ABCB11: variants seen among roughly 807,000 people sequenced by gnomAD.
ABCB11 encodes ATP binding cassette subfamily B member 11, also known as bile salt export pump.
A neutral mutation model predicts 148.0 loss-of-function variants in ABCB11; 95 were observed. That is an observed-to-expected ratio of 0.64 (90% CI 0.54 to 0.76). ABCB11 has a LOEUF of 0.76. ABCB11 is among the 30% of genes least tolerant of loss of function. The probability of loss-of-function intolerance (pLI) is 0.00; values close to 1 mark genes in which losing one functional copy is unlikely to be tolerated. For synonymous variants in ABCB11, 591 were observed against 555.4 expected (o/e 1.06, Z -0.90); for missense variants, 1,523 against 1,617.8 (o/e 0.94, Z 1.01).
At chr2:168,930,402 C>T (rs922323276) in intron 25 of ABCB11, among the ~76,000 whole-genome samples, 2 of 152,222 alleles carry the variant, frequency 1.3e-5, no homozygotes, top group Admixed American at 1.3e-4. Context: ...TAAATACACT[C>T]ATCTCCAGCT....
chr2:168,917,193 GT>G (rs1386097596), downstream of ABCB11, among the ~76,000 whole-genome samples: 1 of 88,580 alleles, frequency 1.1e-5, no homozygotes, highest in African/African-American at 5.4e-5. Context: ...ATAAAAAAGA[GT>G]TTTTGGACAA....
At chr2:168,992,739 G>A (rs1694576688) in intron 8 of ABCB11, among the ~76,000 whole-genome samples, 1 of 152,040 alleles carries the variant, frequency 6.6e-6, no homozygotes, top group African/African-American at 2.4e-5. Context: ...GCCAAGTGGT[G>A]ACCTAATGAA....
At chr2:168,919,375 G>C (rs1436102480), downstream of ABCB11, among the ~76,000 whole-genome samples, 1 of 152,096 alleles carries the variant, frequency 6.6e-6, no homozygotes, top group Non-Finnish European at 1.5e-5. Context: ...AACTCTAGCA[G>C]GGGGTTCTGT....
At chr2:168,947,175 C>T (rs976197145) in intron 19 of ABCB11, among the ~76,000 whole-genome samples, 5 of 151,594 alleles carry the variant, frequency 3.3e-5, no homozygotes, top group African/African-American at 1.2e-4. Context: ...GTAGATTAAC[C>T]TGCTGTAACT....
At chr2:168,969,221 T>G in intron 16 of ABCB11, 129 bp downstream of exon 16, 1 of 826,906 alleles carries the variant, frequency 1.2e-6, no homozygotes, top group Non-Finnish European at 1.9e-6. Context: ...GTTGTTTCCT[T>G]TACCATCTAT....
At chr2:168,968,995 T>C (rs116741971) in intron 16 of ABCB11, among the ~76,000 whole-genome samples, 2,112 of 151,920 alleles carry the variant, frequency 0.014, 23 homozygotes, top group Non-Finnish European at 0.017. Flanking sequence ...GAAGTATCTA[T>C]CTACATTTGA....
downstream of ABCB11, among the ~76,000 whole-genome samples, chr2:168,918,990 T>A (rs754050878): frequency 5.9e-5 from 9 of 152,180 alleles, no homozygotes; most frequent in Non-Finnish European, 1.3e-4. Context: ...CTTTCAGTAT[T>A]CACCTTCATC....
rs77852128 is a variant in ABCB11 at position 168,967,225 on chromosome 2, T to C, written c.2075+1202A>G. ...GACTAAACTTACTACCAGGTGCCTA[T>C]AACATTGTTTTATACCTTTTACATG... On this transcript the variant is annotated intron_variant, in intron 17 of 27. Transcript: ENST00000650372. Among the ~76,000 whole-genome samples the C allele has an allele frequency of 2.7e-4, 41 of 152,040 alleles. No individual in the cohort carries two copies. The East Asian group carries it at 7.6e-3, about 28-fold the overall frequency.
intron 19 of ABCB11, among the ~76,000 whole-genome samples, chr2:168,949,313 T>C (rs1387016520): frequency 1.3e-5 from 2 of 151,640 alleles, no homozygotes; most frequent in African/African-American, 2.4e-5. Context: ...ATAGTGAACA[T>C]TGTACCCAAT....
intron 8 of ABCB11, among the ~76,000 whole-genome samples, chr2:168,992,328 C>T (rs1313148416): frequency 6.6e-6 from 1 of 151,962 alleles, no homozygotes; most frequent in Admixed American, 6.6e-5. Context: ...TGTTAACCTC[C>T]AACATGTTGA....
chr2:168,946,822 T>C (rs1692344817), intron 19 of ABCB11, among the ~76,000 whole-genome samples: 1 of 151,738 alleles, frequency 6.6e-6, no homozygotes, highest in South Asian at 2.1e-4. Context: ...TCTGGTGCAG[T>C]GGTTTTCTAT....
intron 12 of ABCB11, among the ~76,000 whole-genome samples, chr2:168,974,142 C>A (rs541506906): frequency 6.6e-6 from 1 of 151,800 alleles, no homozygotes; most frequent in South Asian, 2.1e-4. Context: ...AAATTATGTC[C>A]CAAAATCTGA....
intron 5 of ABCB11, among the ~76,000 whole-genome samples, chr2:169,006,906 G>A (rs79449726): frequency 3.3e-5 from 5 of 152,228 alleles, no homozygotes; most frequent in Admixed American, 1.3e-4. Flanking sequence ...TAAAGCAGAC[G>A]CAAATAAGTG....
At chr2:168,988,848 G>A (rs190122903) in intron 9 of ABCB11, among the ~76,000 whole-genome samples, 1 of 151,982 alleles carries the variant, frequency 6.6e-6, no homozygotes, top group Admixed American at 6.6e-5. Flanking sequence ...TTTGACTTGT[G>A]TTTCCTTGAT....
chr2:168,996,920 A>G (rs537882041), intron 5 of ABCB11, among the ~76,000 whole-genome samples, 198 bp from the exon 6 acceptor site: 2 of 151,336 alleles, frequency 1.3e-5, no homozygotes, highest in South Asian at 4.2e-4. Context: ...AATAAATCCA[A>G]CCAAATTTCT....
chr2:169,020,067 C>A (rs911238031), intron 1 of ABCB11, among the ~76,000 whole-genome samples: 4 of 152,110 alleles, frequency 2.6e-5, no homozygotes, highest in Non-Finnish European at 5.9e-5. Context: ...CCAAGTATAA[C>A]CTTTTATATT....
intron 1 of ABCB11, among the ~76,000 whole-genome samples, chr2:169,018,396 T>A (rs1431336000): frequency 2.6e-5 from 4 of 152,202 alleles, no homozygotes; most frequent in African/African-American, 4.8e-5. Context: ...AGCTTAATTA[T>A]AGGAAAGATA....
In ABCB11 at chr2:168,968,408, C is replaced by A. The variant is rs370132519; in HGVS notation, c.2075+19G>T. On this transcript the variant is annotated intron_variant, in intron 17 of 27. Transcript: ENST00000650372. ...GAATATTTGGAAAGCTTGTAATCTG[C>A]CCCATGGCTTGAGCTTACCTTAAAC... is the stretch of plus-strand genomic sequence containing the variant. The A allele has an allele frequency of 9.3e-6, 15 of 1,606,422 alleles. No individual in the cohort carries two copies. In the East Asian group the frequency reaches 2.9e-4, roughly 31 times the overall value.
At chr2:169,016,835 A>T (rs1227226351) in intron 2 of ABCB11, 36 bp from the exon 3 acceptor site, 1 of 1,523,732 alleles carries the variant, frequency 6.6e-7, no homozygotes, top group East Asian at 2.3e-5. Flanking sequence ...AAAAGCAGTT[A>T]ATAATAATGA....
Sources: allele counts gnomAD v4.1 joint callset (sites outside exome capture counted in the v4.1 genomes callset), GRCh38; gene constraint gnomAD v4.1.1; transcripts MANE v1.5; gene names NCBI Gene and HGNC (gene_info 2026-07-23, HGNC 2026-07-21).